Variants in LARGE1 observed in about 807,000 individuals in gnomAD.
LARGE1 encodes xylosyl- and glucuronyltransferase LARGE1.
LARGE1 carries 43 observed loss-of-function variants against 87.6 expected under a neutral mutation model. The ratio of observed to expected loss-of-function variants is 0.49; its 90% CI spans 0.38 to 0.63. The LOEUF (loss-of-function observed/expected upper bound fraction) is 0.63. Among genes scored for constraint, LARGE1 ranks in the 30% least tolerant of loss-of-function variants. The pLI is 0.00. For missense variants in LARGE1, 802 were observed against 1,000.2 expected, an observed-to-expected ratio of 0.80 and a Z score of 2.67; for synonymous variants, 434 against 394.6, an observed-to-expected ratio of 1.10 and a Z score of -1.18.
At chr22:33,504,747 G>A (rs2070683348) in intron 6 of LARGE1, among the ~76,000 whole-genome samples, 1 of 152,074 alleles carries the variant, frequency 6.6e-6, no homozygotes, top group Non-Finnish European at 1.5e-5. Context: ...ACTATAAAAT[G>A]AAATATTTCA....
the LARGE1 span, among the ~76,000 whole-genome samples, chr22:33,078,394 A>G: frequency 6.6e-6 from 1 of 152,226 alleles, no homozygotes; most frequent in Non-Finnish European, 1.5e-5. Flanking sequence ...AGCACCTACT[A>G]TGTGCCAGGA....
chr22:33,777,428 A>C (rs547260011), intron 1 of LARGE1, among the ~76,000 whole-genome samples: 1 of 152,106 alleles, frequency 6.6e-6, no homozygotes, highest in Non-Finnish European at 1.5e-5. Context: ...CCTTGAGCCT[A>C]GGAGTTCAAG....
chr22:33,714,007 A>ATAACG (rs2082834496), intron 2 of LARGE1, among the ~76,000 whole-genome samples: 1 of 151,850 alleles, frequency 6.6e-6, no homozygotes, highest in Admixed American at 6.6e-5. Context: ...ATAACATAAC[A>ATAACG]TAACATAACA....
chr22:33,206,392 A>G (rs999811469), intron 11 of LARGE1, among the ~76,000 whole-genome samples: 2 of 152,168 alleles, frequency 1.3e-5, no homozygotes, highest in African/African-American at 4.8e-5. Flanking sequence ...GTGACTGACC[A>G]AATTGCATGA....
the LARGE1 span, among the ~76,000 whole-genome samples, chr22:33,120,566 C>T: frequency 6.6e-6 from 1 of 151,336 alleles, no homozygotes; most frequent in South Asian, 2.1e-4. Context: ...CGGCATGATG[C>T]ACTGGCATGA....
At chr22:33,648,382 C>G (rs912433543) in intron 3 of LARGE1, among the ~76,000 whole-genome samples, 1 of 151,972 alleles carries the variant, frequency 6.6e-6, no homozygotes, top group East Asian at 1.9e-4. Context: ...TTATTTTTCC[C>G]CTCCTCGATT....
At chr22:33,194,213 G>A (rs774438846) in intron 11 of LARGE1, among the ~76,000 whole-genome samples, 1 of 152,118 alleles carries the variant, frequency 6.6e-6, no homozygotes, top group Non-Finnish European at 1.5e-5. Context: ...TTTGTCCAAA[G>A]TTATGGTGAA....
chr22:33,834,902 GAA>G (rs1555882109), intron 1 of LARGE1, among the ~76,000 whole-genome samples: 1 of 152,192 alleles, frequency 6.6e-6, no homozygotes, highest in Non-Finnish European at 1.5e-5. Context: ...GAGCCCCAAG[GAA>G]AAGTTTCTAT....
chr22:33,623,950 A>T (rs1002344336), intron 4 of LARGE1, among the ~76,000 whole-genome samples: 1 of 152,118 alleles, frequency 6.6e-6, no homozygotes, highest in African/African-American at 2.4e-5. Context: ...GAATCGCTGG[A>T]ATCCAGGAGG....
intron 6 of LARGE1, among the ~76,000 whole-genome samples, chr22:33,506,998 A>G (rs1247824219): frequency 6.6e-6 from 1 of 152,180 alleles, no homozygotes; most frequent in Admixed American, 6.5e-5. Flanking sequence ...AGAGCAAGGG[A>G]GAGTTTGCTT....
intron 11 of LARGE1, among the ~76,000 whole-genome samples, chr22:33,181,647 G>T (rs1923168793): frequency 6.6e-6 from 1 of 151,650 alleles, no homozygotes; most frequent in African/African-American, 2.4e-5. Context: ...TCCTGCCTCA[G>T]CCTCCTGAGT....
intron 1 of LARGE1, among the ~76,000 whole-genome samples, chr22:33,890,687 A>G (rs184146536): frequency 6.6e-6 from 1 of 152,188 alleles, no homozygotes; most frequent in Non-Finnish European, 1.5e-5. Flanking sequence ...TATATCTGCA[A>G]AATTCTCAGA....
At position 33,398,218 on chromosome 22, in the gene LARGE1, G is replaced by GA. The variant is rs67475224; in HGVS notation, c.893-13915dup. Reference sequence around the variant, plus strand: ...CTTTTCTGGAATCTATATTAAGCTAGAAAAAAAAAAACCTCAAAGAAGGTT... The same window carrying GA: ...CTTTTCTGGAATCTATATTAAGCTAGAAAAAAAAAAAACCTCAAAGAAGGTT... On this transcript the variant is annotated intron_variant, in intron 7 of 14. Coordinates refer to ENST00000397394, the MANE Select transcript of LARGE1 (RefSeq NM_133642.5). 8.6e-4 allele frequency among the ~76,000 whole-genome samples: 123 copies of GA among 143,062 alleles called. 1 individual carries two copies. Among genetic ancestry groups the GA allele is most frequent in the Middle Eastern group, 3.5e-3 (1 of 282 alleles). 93.9% of individuals were successfully genotyped at this position (143,062 alleles called of 152,430 possible).
At chr22:33,774,263 G>A (rs375572389) in intron 1 of LARGE1, among the ~76,000 whole-genome samples, 2,781 of 151,542 alleles carry the variant, frequency 0.018, 78 homozygotes, top group African/African-American at 0.064. Context: ...CCTTGGATAA[G>A]ACAATGGCCA....
At chr22:33,099,226 G>A in the LARGE1 span, among the ~76,000 whole-genome samples, 1 of 150,612 alleles carries the variant, frequency 6.6e-6, no homozygotes, top group African/African-American at 2.5e-5. Context: ...GCTATGGAGT[G>A]TGGAAGAGGA....
chr22:33,705,565 G>C (rs1260162822), intron 2 of LARGE1, among the ~76,000 whole-genome samples: 3 of 152,180 alleles, frequency 2.0e-5, no homozygotes, highest in African/African-American at 7.2e-5. Flanking sequence ...GATGAGGAAA[G>C]TGAAGTTATG....
At chr22:33,831,534 A>G (rs1320377568) in intron 1 of LARGE1, among the ~76,000 whole-genome samples, 1 of 152,098 alleles carries the variant, frequency 6.6e-6, no homozygotes, top group East Asian at 1.9e-4. Context: ...ATGCCTGCCC[A>G]GGTCCCTAAG....
chr22:33,512,658 C>G (rs548652548), intron 6 of LARGE1, among the ~76,000 whole-genome samples: 58 of 152,170 alleles, frequency 3.8e-4, no homozygotes, highest in Admixed American at 9.2e-4. Flanking sequence ...AAAAATTTAG[C>G]CGGGAGTGGT....
At chr22:33,656,570 A>T (rs1230733371) in intron 2 of LARGE1, among the ~76,000 whole-genome samples, 1 of 152,220 alleles carries the variant, frequency 6.6e-6, no homozygotes, top group Admixed American at 6.5e-5. Context: ...ACATAAAGGC[A>T]GAAGTGGATA....
Sources: gnomAD v4.1 joint callset for allele counts (sites outside exome capture counted in the v4.1 genomes callset) on GRCh38, gnomAD v4.1.1 for gene constraint, MANE v1.5 for transcripts, NCBI Gene and HGNC (gene_info 2026-07-23, HGNC 2026-07-21) for gene names.